Variants in HBS1L observed in about 807,000 individuals in gnomAD.
HBS1L encodes HBS1 like translational GTPase.
A neutral mutation model predicts 88.9 loss-of-function variants in HBS1L; 55 were observed. The ratio of observed to expected loss-of-function variants is 0.62; its 90% CI spans 0.50 to 0.77. HBS1L has a LOEUF of 0.77. Among genes scored for constraint, HBS1L ranks in the 30% least tolerant of loss-of-function variants. HBS1L has a pLI of 0.00. For missense variants in HBS1L, 741 were observed against 829.3 expected (o/e 0.89, Z 1.31); for synonymous variants, 267 against 288.5 (o/e 0.93, Z 0.76).
intron 4 of HBS1L, chr6:135,037,538 CAG>C: frequency 6.4e-7 from 1 of 1,550,712 alleles, no homozygotes; most frequent in Non-Finnish European, 8.7e-7. Flanking sequence ...TTTTGAAAAT[CAG>C]ACAGTGAATT....
rs35807723 is a variant in HBS1L at position 134,999,448 on chromosome 6, C to CTTTT, written c.540-1796_540-1793dup. 2.6e-3 allele frequency among the ~76,000 whole-genome samples: 329 copies of CTTTT among 124,720 alleles called. 3 individuals carry two copies. The highest frequency in any genetic ancestry group is 6.1e-3 in the African/African-American group (207 of 33,862). The allele number at this position is 124,720 out of a possible 152,430, so 81.8% of individuals were successfully genotyped here. A position where few individuals can be genotyped will look rare whatever the true frequency, so the allele number is the denominator to read the frequency against. ...TCATTTAAGTAAATCTTTTTCTTTT[C>CTTTT]TTTTTTTTTTTTTTTTTGAGATGGA... is the stretch of plus-strand genomic sequence containing the variant. On this transcript the variant is annotated intron_variant, in intron 5 of 17. Coordinates refer to ENST00000367837, the MANE Select transcript of HBS1L (RefSeq NM_006620.4).
intron 4 of HBS1L, among the ~76,000 whole-genome samples, chr6:135,009,753 C>G (rs944885574): frequency 5.1e-4 from 77 of 151,930 alleles, no homozygotes; most frequent in African/African-American, 1.9e-3. Flanking sequence ...CCGACCTCAG[C>G]CTCCCGAGTA....
intron 17 of HBS1L, 128 bp downstream of exon 17, chr6:134,966,201 G>A (rs953336711): frequency 1.2e-5 from 9 of 750,990 alleles, no homozygotes; most frequent in Non-Finnish European, 1.6e-5. Flanking sequence ...AACCTAAAAT[G>A]AGTAAGGCTT....
chr6:135,001,155 G>T (rs1018425688), intron 5 of HBS1L, among the ~76,000 whole-genome samples: 6 of 152,004 alleles, frequency 3.9e-5, no homozygotes, highest in Non-Finnish European at 7.4e-5. Flanking sequence ...TTTCCCCAAG[G>T]ATTCTGAGCA....
intron 1 of HBS1L, among the ~76,000 whole-genome samples, chr6:135,054,349 G>C (rs541913636): frequency 2.0e-5 from 3 of 152,226 alleles, no homozygotes; most frequent in African/African-American, 7.2e-5. Context: ...AATGGAAGAG[G>C]TGATAATGCT....
At chr6:134,974,259 TAAA>T (rs1214019646) in intron 15 of HBS1L, among the ~76,000 whole-genome samples, 1 of 149,358 alleles carries the variant, frequency 6.7e-6, no homozygotes, top group African/African-American at 2.5e-5. Context: ...AAATCAGTAA[TAAA>T]AAAAAAATTT....
At chr6:135,016,544 A>G (rs981946929) in intron 4 of HBS1L, among the ~76,000 whole-genome samples, 1 of 152,232 alleles carries the variant, frequency 6.6e-6, no homozygotes, top group Admixed American at 6.5e-5. Context: ...GCTCTAAAGC[A>G]TACATCACAA....
chr6:135,019,059 A>G (rs1776000379), intron 4 of HBS1L, among the ~76,000 whole-genome samples: 2 of 152,032 alleles, frequency 1.3e-5, no homozygotes, highest in African/African-American at 4.8e-5. Context: ...GCACCAAGAA[A>G]TGCTATAATG....
chr6:135,049,998 G>C (rs1199810290), intron 2 of HBS1L, among the ~76,000 whole-genome samples: 2 of 152,222 alleles, frequency 1.3e-5, no homozygotes, highest in African/African-American at 4.8e-5. Context: ...GCCTTTGCTG[G>C]GAAGAATATA....
chr6:135,043,749 G>A (rs1317087552), intron 2 of HBS1L, among the ~76,000 whole-genome samples: 1 of 152,156 alleles, frequency 6.6e-6, no homozygotes, highest in African/African-American at 2.4e-5. Flanking sequence ...CCTGAACAAG[G>A]AGAAAAGAAT....
At chr6:134,999,860 A>T (rs1775399821) in intron 5 of HBS1L, among the ~76,000 whole-genome samples, 2 of 152,042 alleles carry the variant, frequency 1.3e-5, no homozygotes, top group Admixed American at 1.3e-4. Context: ...TGCCCTTAGT[A>T]AAAAAAACTT....
chr6:134,982,360 A>G, intron 13 of HBS1L, 98 bp downstream of exon 13: 1 of 684,498 alleles, frequency 1.5e-6, no homozygotes, highest in Non-Finnish European at 2.7e-6. Flanking sequence ...AATTTCAGTA[A>G]GAGGTTACTT....
At chr6:135,020,140 G>A (rs1449399990) in intron 4 of HBS1L, among the ~76,000 whole-genome samples, 13 of 134,972 alleles carry the variant, frequency 9.6e-5, no homozygotes, top group African/African-American at 3.6e-4. Context: ...AAAACATTAT[G>A]AATGATTAAA....
Position 134,993,856 on chromosome 6 carries a change from C to A in HBS1L, c.985G>T (p.Gly329Cys). The change falls in exon 8 of 18, where the codon GGT becomes TGT. Residue 329 changes from glycine to cysteine, a missense_variant. Gly to Cys is a radical substitution (Grantham distance 159). This residue lies in a region of HBS1L where 556 missense variants were observed against 598.4 expected (regional missense o/e 0.93). Transcript: ENST00000367837. Reference protein sequence around the residue: ...ERERGVTMDVGMTKFETTTKV... With the variant: ...ERERGVTMDVCMTKFETTTKV... ...GTTGTGGTTTCAAACTTTGTCATAC[C>A]AACATCCATGGTTACTCCCCTTAAA... 6.3e-7 allele frequency: 1 copy of A among 1,592,444 alleles called. No individual in the cohort carries two copies. The highest frequency in any genetic ancestry group is 8.6e-7 in the Non-Finnish European group (1 of 1,163,102).
intron 4 of HBS1L, among the ~76,000 whole-genome samples, chr6:135,034,837 T>C (rs944571031): frequency 3.3e-5 from 5 of 152,212 alleles, no homozygotes; most frequent in African/African-American, 1.2e-4. Context: ...CTCATTCTAC[T>C]GATTCCTCCC....
intron 4 of HBS1L, among the ~76,000 whole-genome samples, chr6:135,018,299 G>T (rs946459087): frequency 6.6e-6 from 1 of 151,996 alleles, no homozygotes; most frequent in African/African-American, 2.4e-5. Context: ...CATTGGCTGT[G>T]ATTTATTTGT....
intron 12 of HBS1L, chr6:134,983,185 T>TA (rs1396604833): frequency 6.6e-6 from 1 of 151,858 alleles, no homozygotes; most frequent in African/African-American, 2.4e-5. Flanking sequence ...CCATATAGAA[T>TA]AATGAAGAAA....
At position 135,019,840 on chromosome 6, in the gene HBS1L, T is replaced by C. The variant is rs142129251; in HGVS notation, c.431-16998A>G. ...GCACCAATATCCAGAAATAACTCCA[T>C]AGTAACAAATATAATGAATTTTAAA... On this transcript the variant is annotated intron_variant, in intron 4 of 17. Coordinates refer to ENST00000367837, the MANE Select transcript of HBS1L (RefSeq NM_006620.4). Among the ~76,000 whole-genome samples the C allele has an allele frequency of 1.3e-4, 20 of 151,994 alleles. No individual in the cohort carries two copies. In the East Asian group the frequency reaches 3.5e-3, roughly 26 times the overall value.
At chr6:135,042,933 C>T (rs1776790919) in intron 2 of HBS1L, among the ~76,000 whole-genome samples, 1 of 152,100 alleles carries the variant, frequency 6.6e-6, no homozygotes, top group Non-Finnish European at 1.5e-5. Context: ...TGCTTTCAAT[C>T]ACACACTTTC....
Sources: allele counts gnomAD v4.1 joint callset (sites outside exome capture counted in the v4.1 genomes callset), GRCh38; gene constraint gnomAD v4.1.1; regional missense constraint gnomAD v4.1.1; transcripts MANE v1.5; gene names NCBI Gene and HGNC (gene_info 2026-07-23, HGNC 2026-07-21).